KDSR: variants seen among roughly 807,000 people sequenced by gnomAD.
KDSR encodes 3-dehydrosphinganine reductase.
KDSR carries 23 observed loss-of-function variants against 41.3 expected under a neutral mutation model. That is an observed-to-expected ratio of 0.56 (90% CI 0.40 to 0.79). KDSR has a LOEUF of 0.79. Ranked by LOEUF, KDSR falls within the 30% of genes least tolerant of loss-of-function variation. KDSR has a pLI of 0.00. For synonymous variants in KDSR, 138 were observed against 151.7 expected (o/e 0.91, Z 0.66); for missense variants, 351 against 416.8 (o/e 0.84, Z 1.37).
intron 1 of KDSR, among the ~76,000 whole-genome samples, chr18:63,365,014 C>T (rs1401676368): frequency 2.0e-5 from 3 of 152,224 alleles, no homozygotes; most frequent in African/African-American, 7.2e-5. Flanking sequence ...GTGTCTCCTA[C>T]GCAAATGCAC....
chr18:63,356,084 T>C (rs1264999273), intron 3 of KDSR, among the ~76,000 whole-genome samples: 6 of 152,184 alleles, frequency 3.9e-5, no homozygotes, highest in Admixed American at 3.9e-4. Context: ...CATCCTCAGA[T>C]AGAAAACATT....
chr18:63,338,766 C>G, intron 8 of KDSR, 34 bp downstream of exon 8: 3 of 1,344,834 alleles, frequency 2.2e-6, no homozygotes, highest in Non-Finnish European at 3.2e-6. Context: ...GTACTACAAA[C>G]ACAAATAGTA....
At chr18:63,361,209 C>CAAAAAAAA (rs71162630) in intron 2 of KDSR, among the ~76,000 whole-genome samples, 15 of 15,522 alleles carry the variant, frequency 9.7e-4, no homozygotes, top group Admixed American at 1.1e-3. Context: ...AACTCCGTCT[C>CAAAAAAAA]AAAAAAAAAA....
chr18:63,354,174 C>T (rs1423608545), intron 5 of KDSR, among the ~76,000 whole-genome samples: 5 of 151,982 alleles, frequency 3.3e-5, no homozygotes, highest in East Asian at 1.9e-4. Context: ...ACGGCGCACA[C>T]GAAGACACCA....
At position 63,331,693 on chromosome 18, in the gene KDSR, T is replaced by C. The variant is rs1186591209; in HGVS notation, c.*89A>G. On this transcript the variant is annotated 3_prime_UTR_variant, in exon 10 of 10. Transcript: ENST00000645214. ...ATCTGACGTATTCGAAAACAATACATAAGTGTCTATAGGCCAAAAATTGGG... is the reference window on the plus strand; with the variant it reads ...ATCTGACGTATTCGAAAACAATACACAAGTGTCTATAGGCCAAAAATTGGG... The C allele has an allele frequency of 2.3e-6, 3 of 1,314,606 alleles. No homozygotes were observed. Among genetic ancestry groups the C allele is most frequent in the Admixed American group, 1.9e-5 (1 of 52,346 alleles). The allele number at this position is 1,314,606 out of a possible 1,614,324, so 81.4% of individuals were successfully genotyped here. A position where few individuals can be genotyped will look rare whatever the true frequency, so the allele number is the denominator to read the frequency against.
rs193013479 is a variant in KDSR at position 63,359,931 on chromosome 18, A to G, written c.199-139T>C. On this transcript the variant is annotated intron_variant, in intron 2 of 9. Transcript: ENST00000645214. ...ACACACAAAACAGTATCTACATTGCATAGACAGACTGGGCCACAGCCTATG... is the reference window on the plus strand; with the variant it reads ...ACACACAAAACAGTATCTACATTGCGTAGACAGACTGGGCCACAGCCTATG... 350 of 664,162 alleles carry G rather than the reference A, an allele frequency of 5.3e-4. 3 individuals are homozygous for G. In the Admixed American group the frequency reaches 7.7e-3, roughly 15 times the overall value. The allele number at this position is 664,162 out of a possible 1,614,324, so 41.1% of individuals were successfully genotyped here.
chr18:63,349,663 G>T (rs1410416372), intron 6 of KDSR, among the ~76,000 whole-genome samples: 1 of 152,252 alleles, frequency 6.6e-6, no homozygotes, highest in Admixed American at 6.5e-5. Flanking sequence ...CATCTGTACT[G>T]CAACGCTCGT....
Position 63,351,006 on chromosome 18 carries a change from C to T in KDSR, c.491G>A (p.Arg164Gln), listed in dbSNP as rs543545590. 33 of 1,614,088 alleles carry T rather than the reference C, an allele frequency of 2.0e-5. No individual in the cohort carries two copies. Among genetic ancestry groups the T allele is most frequent in the East Asian group, 4.5e-5 (2 of 44,896 alleles). The part of the protein sequence containing the change: ...RAVITTMKER[R>Q]VGRIVFVSSQ... ...GGACACAAACACGATCCTGCCCACC[C>T]GGCGCTCCTTCATGGTGGTGATCAC... Residue 164 changes from arginine (R) to glutamine (Q), a missense_variant, in exon 6 of 10, where the codon CGG becomes CAG. By Grantham distance (43) the Arg-to-Gln change is conservative. Coordinates refer to ENST00000645214, the MANE Select transcript of KDSR (RefSeq NM_002035.4).
rs892755611 is a variant in KDSR, at chr18:63,331,513, A to G, written c.*269T>C. The G allele has an allele frequency of 6.7e-6, 2 of 297,224 alleles. No homozygotes were observed. The highest frequency in any genetic ancestry group is 4.3e-5 in the African/African-American group (2 of 47,040). 18.4% of individuals were successfully genotyped at this position (297,224 alleles called of 1,614,324 possible). ...TGGAATCCTGTTCTTTACTTTGTTC[A>G]CACGCTATTAATTCTCATACCTTCA... On this transcript the variant is annotated 3_prime_UTR_variant, in exon 10 of 10. Coordinates refer to ENST00000645214, the MANE Select transcript of KDSR (RefSeq NM_002035.4).
chr18:63,332,647 C>T (rs1023606118), intron 9 of KDSR, among the ~76,000 whole-genome samples: 26 of 152,116 alleles, frequency 1.7e-4, no homozygotes, highest in East Asian at 5.8e-4. Context: ...CTGGCTAACA[C>T]GGTGAAACCC....
chr18:63,342,868 G>GCCTC (rs938561243), intron 7 of KDSR, among the ~76,000 whole-genome samples: 1 of 152,164 alleles, frequency 6.6e-6, no homozygotes, highest in African/African-American at 2.4e-5. Flanking sequence ...CAATGTTGGA[G>GCCTC]GAGGGACCTG....
At chr18:63,344,572 C>A in intron 6 of KDSR, 79 bp from the exon 7 acceptor site, 1 of 969,770 alleles carries the variant, frequency 1.0e-6, no homozygotes, top group African/African-American at 1.6e-5. Flanking sequence ...CACTGGCTGC[C>A]CTGATTCCCA....
Position 63,367,193 on chromosome 18 carries a change from G to A in KDSR, c.-75C>T. 2.7e-6 allele frequency: 2 copies of A among 735,282 alleles called. No individual in the cohort carries two copies. Among genetic ancestry groups the A allele is most frequent in the Non-Finnish European group, 3.7e-6 (2 of 534,538 alleles). The allele number at this position is 735,282 out of a possible 1,614,324, so 45.5% of individuals were successfully genotyped here. A position where few individuals can be genotyped will look rare whatever the true frequency, so the allele number is the denominator to read the frequency against. ...AAGGCGCGCAGGGCTGGGCTGCGGC[G>A]AGGCGAGAATCACGCGCGGCGGGCG... On this transcript the variant is annotated 5_prime_UTR_variant, in exon 1 of 10. Coordinates refer to ENST00000645214, the MANE Select transcript of KDSR (RefSeq NM_002035.4).
At chr18:63,358,513 G>C (rs1010480932) in intron 3 of KDSR, among the ~76,000 whole-genome samples, 2 of 151,992 alleles carry the variant, frequency 1.3e-5, no homozygotes, top group African/African-American at 4.8e-5. Flanking sequence ...AATAAAAGAA[G>C]TAGAACTAAG....
chr18:63,351,292 G>A (rs1914656722), intron 5 of KDSR, among the ~76,000 whole-genome samples: 1 of 132,552 alleles, frequency 7.5e-6, no homozygotes, highest in African/African-American at 2.4e-5. Context: ...ACCATTTGAA[G>A]ACTGTTTCAG....
intron 9 of KDSR, among the ~76,000 whole-genome samples, chr18:63,333,319 C>T (rs1218775839): frequency 2.0e-5 from 3 of 152,162 alleles, no homozygotes; most frequent in African/African-American, 4.8e-5. Flanking sequence ...CTCCTGAGCT[C>T]AAGCGATCCT....
At chr18:63,359,637 T>A in intron 3 of KDSR, 99 bp downstream of exon 3, 1 of 796,628 alleles carries the variant, frequency 1.3e-6, no homozygotes, top group Non-Finnish European at 2.2e-6. Context: ...AGTACATATA[T>A]GCTTTCAATT....
intron 9 of KDSR, among the ~76,000 whole-genome samples, chr18:63,332,768 C>T (rs904822850): frequency 3.6e-5 from 5 of 139,130 alleles, no homozygotes; most frequent in Non-Finnish European, 7.6e-5. Flanking sequence ...GGAGGCAGAG[C>T]GTGCAGTGAG....
chr18:63,331,076 T>C lies in KDSR; in HGVS notation c.*706A>G. The C allele has an allele frequency of 4.3e-6, 1 of 232,960 alleles. No homozygotes were observed. The allele number at this position is 232,960 out of a possible 1,614,324, so 14.4% of individuals were successfully genotyped here. A position where few individuals can be genotyped will look rare whatever the true frequency, so the allele number is the denominator to read the frequency against. On this transcript the variant is annotated 3_prime_UTR_variant, in exon 10 of 10. Coordinates refer to ENST00000645214, the MANE Select transcript of KDSR (RefSeq NM_002035.4). ...AAGCATTGCTTTTCCTACTGGAAAA[T>C]ATCTCTTTACTTCCCATTGCACTGC...
Sources: gnomAD v4.1 joint callset for allele counts (sites outside exome capture counted in the v4.1 genomes callset) on GRCh38, gnomAD v4.1.1 for gene constraint, MANE v1.5 for transcripts, NCBI Gene and HGNC (gene_info 2026-07-23, HGNC 2026-07-21) for gene names.